The following LDB2 variants were observed in gnomAD, a reference collection of about 807,000 sequenced individuals.
LDB2 encodes LIM domain-binding protein 2.
In LDB2, 12 loss-of-function variants were observed where a neutral mutation model predicts 44.3. The observed-to-expected ratio is 0.27, with a 90% confidence interval of 0.17 to 0.44. LDB2 has a LOEUF of 0.44. Ranked by LOEUF, LDB2 falls within the 20% of genes least tolerant of loss-of-function variation. The probability of loss-of-function intolerance (pLI) is 1.00; values close to 1 mark genes in which losing one functional copy is unlikely to be tolerated. For synonymous variants in LDB2, 164 were observed against 174.8 expected, an observed-to-expected ratio of 0.94 and a Z score of 0.49; for missense variants, 344 against 473.5, an observed-to-expected ratio of 0.73 and a Z score of 2.54.
intron 2 of LDB2, among the ~76,000 whole-genome samples, chr4:16,710,857 A>T (rs1374649542): frequency 1.3e-5 from 2 of 152,200 alleles, no homozygotes; most frequent in Non-Finnish European, 2.9e-5. Flanking sequence ...TTGAGTCAAC[A>T]GGGAAAGATG....
intron 1 of LDB2, among the ~76,000 whole-genome samples, chr4:16,850,302 C>A (rs75044698): frequency 1.1e-3 from 166 of 152,252 alleles, no homozygotes; most frequent in South Asian, 2.9e-3. Flanking sequence ...TCTAGCCCCA[C>A]CACCTATTAG....
At chr4:16,630,714 A>C (rs1345889115) in intron 2 of LDB2, among the ~76,000 whole-genome samples, 2 of 152,210 alleles carry the variant, frequency 1.3e-5, no homozygotes, top group Non-Finnish European at 2.9e-5. Context: ...AAAGATGCAC[A>C]TAGGCTCAAA....
chr4:16,717,091 G>C (rs1757209059), intron 2 of LDB2, among the ~76,000 whole-genome samples: 1 of 151,712 alleles, frequency 6.6e-6, no homozygotes, highest in African/African-American at 2.4e-5. Context: ...CACAGAAAAA[G>C]GGGAGTCTGA....
chr4:16,894,684 G>A (rs1724405530), intron 1 of LDB2, among the ~76,000 whole-genome samples: 1 of 152,124 alleles, frequency 6.6e-6, no homozygotes, highest in Non-Finnish European at 1.5e-5. Flanking sequence ...AGCTCAATAG[G>A]AGATACCAGG....
chr4:16,689,894 C>G (rs574095423), intron 2 of LDB2, among the ~76,000 whole-genome samples: 7 of 152,184 alleles, frequency 4.6e-5, no homozygotes, highest in Non-Finnish European at 1.0e-4. Flanking sequence ...AATAGTTAGG[C>G]CTTGAAGCCG....
chr4:16,632,225 C>G (rs1461487539), intron 2 of LDB2, among the ~76,000 whole-genome samples: 1 of 152,168 alleles, frequency 6.6e-6, no homozygotes, highest in Non-Finnish European at 1.5e-5. Context: ...CATCAAAAAG[C>G]TTATCCACCA....
intron 3 of LDB2, among the ~76,000 whole-genome samples, chr4:16,594,860 A>G (rs536343362): frequency 2.6e-5 from 4 of 152,238 alleles, no homozygotes; most frequent in Non-Finnish European, 5.9e-5. Context: ...CTTAGTCAAA[A>G]TGCAGTAAAC....
At chr4:16,820,762 C>T in intron 1 of LDB2, among the ~76,000 whole-genome samples, 1 of 151,842 alleles carries the variant, frequency 6.6e-6, no homozygotes, top group East Asian at 1.9e-4. Context: ...GAAAAAAAAA[C>T]AGAGAACAGA....
intron 2 of LDB2, among the ~76,000 whole-genome samples, chr4:16,757,989 T>A (rs369332085): frequency 2.4e-5 from 1 of 41,530 alleles, no homozygotes; most frequent in Admixed American, 1.7e-4. Context: ...GACACAAACA[T>A]GAGAGATGCG....
chr4:16,567,177 C>A (rs368086972), intron 5 of LDB2, among the ~76,000 whole-genome samples: 2 of 152,044 alleles, frequency 1.3e-5, no homozygotes, highest in African/African-American at 4.8e-5. Context: ...TGTGCAAAAT[C>A]AAATCTGAAA....
rs1442293814 is a variant in LDB2, at chr4:16,502,803, G to C, written c.962C>G (p.Thr321Ser). The C allele has an allele frequency of 5.6e-6, 9 of 1,614,062 alleles. No homozygotes were observed. In the South Asian group the frequency reaches 9.9e-5, roughly 18 times the overall value. The change falls in exon 8 of 8, where the codon ACT (threonine) becomes AGT (serine). Residue 321 changes from threonine (T) to serine (S), a missense_variant. Thr to Ser is a moderately conservative substitution (Grantham distance 58, BLOSUM62 1). Transcript: ENST00000304523. ...EFGDEDERLITRLENTQYDAA... is the reference protein window; with the variant it reads ...EFGDEDERLISRLENTQYDAA... The stretch of plus-strand genomic sequence containing the variant: ...ATCATATTGCGTGTTTTCTAATCTA[G>C]TGATTAGCCTTTCGTCCTCGTCCCC...
At chr4:16,749,359 A>G (rs1171010542) in intron 2 of LDB2, among the ~76,000 whole-genome samples, 1 of 151,716 alleles carries the variant, frequency 6.6e-6, no homozygotes, top group Non-Finnish European at 1.5e-5. Flanking sequence ...GGAGTTCGAG[A>G]CCAGTCTCGC....
At chr4:16,649,524 T>A (rs189544006) in intron 2 of LDB2, among the ~76,000 whole-genome samples, 2 of 152,310 alleles carry the variant, frequency 1.3e-5, no homozygotes, top group Non-Finnish European at 2.9e-5. Flanking sequence ...CAGAGGGCAT[T>A]ATTTTACTCT....
rs371783496 is a variant in LDB2 at position 16,887,032 on chromosome 4, C to CAAAAAAA, written c.132+11315_132+11321dup. Among the ~76,000 whole-genome samples the CAAAAAAA allele has an allele frequency of 4.8e-4, 24 of 50,458 alleles. 3 individuals are homozygous for CAAAAAAA. Among genetic ancestry groups the CAAAAAAA allele is most frequent in the African/African-American group, 1.2e-3 (18 of 15,018 alleles). The allele number at this position is 50,458 out of a possible 152,430, so 33.1% of individuals were successfully genotyped here. On this transcript the variant is annotated intron_variant, in intron 1 of 7. Transcript: ENST00000304523. ...TGGGCGACAGAGCGAAACTCCGTCT[C>CAAAAAAA]AAAAAAAAAAAAAAAAAAAAAAAAA...
chr4:16,730,303 G>A (rs967921536), intron 2 of LDB2, among the ~76,000 whole-genome samples: 1 of 152,050 alleles, frequency 6.6e-6, no homozygotes, highest in Non-Finnish European at 1.5e-5. Context: ...CAGGAATTTT[G>A]CTTCACGGTC....
intron 1 of LDB2, among the ~76,000 whole-genome samples, chr4:16,834,998 T>C (rs755783018): frequency 2.0e-5 from 3 of 152,170 alleles, no homozygotes; most frequent in Non-Finnish European, 4.4e-5. Flanking sequence ...ATAGAGGAAA[T>C]ACCTTGTCCC....
chr4:16,591,925 C>A (rs1477507930), intron 3 of LDB2, among the ~76,000 whole-genome samples: 2 of 151,608 alleles, frequency 1.3e-5, no homozygotes, highest in Non-Finnish European at 2.9e-5. Context: ...CAAAAGGGTC[C>A]CCAATTAAGA....
chr4:16,592,476 A>ATG (rs1352625576), intron 3 of LDB2, among the ~76,000 whole-genome samples: 2 of 120,620 alleles, frequency 1.7e-5, no homozygotes, highest in South Asian at 5.5e-4. Context: ...ATATATATAT[A>ATG]TATATATATA....
At chr4:16,725,110 A>C (rs1235389477) in intron 2 of LDB2, among the ~76,000 whole-genome samples, 1 of 152,104 alleles carries the variant, frequency 6.6e-6, no homozygotes, top group Non-Finnish European at 1.5e-5. Context: ...GCAGCAGAAC[A>C]GTTCTCTTGG....
Sources: gnomAD v4.1 joint callset for allele counts (sites outside exome capture counted in the v4.1 genomes callset) on GRCh38, gnomAD v4.1.1 for gene constraint, MANE v1.5 for transcripts, NCBI Gene and HGNC (gene_info 2026-07-23, HGNC 2026-07-21) for gene names.